WDHD1: variants seen among roughly 807,000 people sequenced by gnomAD.
WDHD1 encodes the protein WD repeat and HMG-box DNA binding protein 1.
In WDHD1, 111 loss-of-function variants were observed where a neutral mutation model predicts 135.4. That is an observed-to-expected ratio of 0.82 (90% CI 0.70 to 0.96). The LOEUF (loss-of-function observed/expected upper bound fraction) is 0.96, where lower values mean the gene tolerates loss of function less well. WDHD1 is among the 40% of genes least tolerant of loss of function. The pLI is 0.00. For missense variants in WDHD1, 1,351 were observed against 1,336.3 expected, an observed-to-expected ratio of 1.01 and a Z score of -0.17; for synonymous variants, 434 against 439.0, an observed-to-expected ratio of 0.99 and a Z score of 0.14.
chr14:54,984,226 G>C (rs2041662384), intron 15 of WDHD1, among the ~76,000 whole-genome samples: 1 of 152,234 alleles, frequency 6.6e-6, no homozygotes, highest in African/African-American at 2.4e-5. Flanking sequence ...CGGGTGCAGT[G>C]GCTCGCGCCT....
intron 7 of WDHD1, chr14:55,004,707 C>T (rs2042035002): frequency 2.8e-6 from 1 of 352,900 alleles, no homozygotes; most frequent in African/African-American, 2.1e-5. Context: ...CCTGTCTCAG[C>T]CTCCCAAAGT....
At chr14:54,989,314 T>C in intron 12 of WDHD1, 102 bp from the exon 13 acceptor site, 1 of 886,956 alleles carries the variant, frequency 1.1e-6, no homozygotes. Context: ...ATTAAATTTG[T>C]ATTAAGATTT....
intron 16 of WDHD1, among the ~76,000 whole-genome samples, chr14:54,972,406 C>T (rs1458866170): frequency 6.6e-6 from 1 of 151,176 alleles, no homozygotes. Context: ...GGTGAAAACC[C>T]ATCTCTACTA....
At chr14:54,947,172 T>C (rs1282910285) in intron 24 of WDHD1, among the ~76,000 whole-genome samples, 1 of 151,892 alleles carries the variant, frequency 6.6e-6, no homozygotes, top group Non-Finnish European at 1.5e-5. Flanking sequence ...AAACCTCATC[T>C]CTACTAAAAA....
At chr14:54,952,172 T>C (rs906319089) in intron 24 of WDHD1, among the ~76,000 whole-genome samples, 29 of 152,100 alleles carry the variant, frequency 1.9e-4, no homozygotes, top group African/African-American at 6.0e-4. Context: ...AAATAAAGGG[T>C]ATTCAATTAG....
At chr14:55,024,890 G>C (rs1422280869) in intron 2 of WDHD1, among the ~76,000 whole-genome samples, 1 of 103,748 alleles carries the variant, frequency 9.6e-6, no homozygotes, top group Non-Finnish European at 2.3e-5. Flanking sequence ...TATTGTCCAA[G>C]GTTTCTCCCC....
At chr14:55,022,343 T>C (rs1251432270) in intron 2 of WDHD1, among the ~76,000 whole-genome samples, 2 of 152,142 alleles carry the variant, frequency 1.3e-5, no homozygotes, top group African/African-American at 2.4e-5. Flanking sequence ...ACAAATCTGA[T>C]TGTATTTGCA....
At chr14:54,985,363 G>C (rs952824420) in intron 14 of WDHD1, among the ~76,000 whole-genome samples, 2 of 152,168 alleles carry the variant, frequency 1.3e-5, no homozygotes, top group African/African-American at 4.8e-5. Context: ...CAAACATTAG[G>C]GGAAGGAACA....
rs2040817594 is a variant in WDHD1, at chr14:54,940,071, T to C, written c.*1419A>G. On this transcript the variant is annotated 3_prime_UTR_variant, in exon 26 of 26. Coordinates refer to ENST00000360586, the MANE Select transcript of WDHD1 (RefSeq NM_007086.4). ...ATGAAATAACCAACAGCATCATCAT[T>C]ATCAGAATAGTAACTAACATTTATA... is the stretch of plus-strand genomic sequence containing the variant. 1 of 151,102 alleles carries C rather than the reference T, an allele frequency of 6.6e-6. No homozygotes were observed. Among genetic ancestry groups the C allele is most frequent in the Non-Finnish European group, 1.5e-5 (1 of 68,038 alleles). The allele number at this position is 151,102 out of a possible 1,614,324, so 9.4% of individuals were successfully genotyped here.
chr14:54,984,058 A>G (rs2041659738), intron 15 of WDHD1, among the ~76,000 whole-genome samples: 2 of 152,230 alleles, frequency 1.3e-5, no homozygotes, highest in Admixed American at 6.5e-5. Context: ...GTAAACAGTG[A>G]AGCTCTAGAA....
chr14:55,010,303 C>A lies in WDHD1; in HGVS notation c.341+6G>T. The A allele has an allele frequency of 6.3e-7, 1 of 1,592,116 alleles. No individual in the cohort carries two copies. The highest frequency in any genetic ancestry group is 1.2e-5 in the South Asian group (1 of 86,618). ...TATTTCCTTTTCTGATGTCAAAGAG[C>A]CTTACCTAGATCCAGCAGCAATTTT... On this transcript the variant is annotated splice_donor_region_variant and intron_variant, in intron 4 of 25. Coordinates refer to ENST00000360586, the MANE Select transcript of WDHD1 (RefSeq NM_007086.4).
chr14:55,012,064 C>T (rs1363364093), intron 3 of WDHD1, among the ~76,000 whole-genome samples: 1 of 151,978 alleles, frequency 6.6e-6, no homozygotes, highest in East Asian at 1.9e-4. Flanking sequence ...TTCTCAAAGC[C>T]CTCACTATTA....
chr14:55,003,418 G>C (rs1005014184), intron 7 of WDHD1, among the ~76,000 whole-genome samples: 2 of 151,956 alleles, frequency 1.3e-5, no homozygotes, highest in Non-Finnish European at 2.9e-5. Context: ...TGGGGGCTGA[G>C]GTGGGAGGAT....
chr14:54,957,953 C>T (rs1321816630), intron 21 of WDHD1, among the ~76,000 whole-genome samples: 2 of 152,160 alleles, frequency 1.3e-5, no homozygotes, highest in East Asian at 1.9e-4. Flanking sequence ...GCATCCCATG[C>T]CCTCCTGCTT....
chr14:55,008,283 C>CA, intron 6 of WDHD1, 33 bp downstream of exon 6: 2 of 1,601,714 alleles, frequency 1.2e-6, no homozygotes, highest in Admixed American at 1.7e-5. Context: ...CAGAAATGGG[C>CA]AAAAAACTTT....
At chr14:54,963,280 A>G (rs1395885567) in intron 18 of WDHD1, 108 bp from the exon 19 acceptor site, 1 of 820,332 alleles carries the variant, frequency 1.2e-6, no homozygotes, top group African/African-American at 1.7e-5. Context: ...TAGCTACTCT[A>G]TCTCCCTAAT....
intron 4 of WDHD1, among the ~76,000 whole-genome samples, chr14:55,009,231 C>T (rs1255745123): frequency 2.0e-5 from 3 of 152,192 alleles, no homozygotes; most frequent in Non-Finnish European, 2.9e-5. Flanking sequence ...AAAATACAAA[C>T]ACTTCCTAAA....
At chr14:55,008,143 G>A (rs1005938869) in intron 6 of WDHD1, among the ~76,000 whole-genome samples, 173 bp downstream of exon 6, 2 of 152,246 alleles carry the variant, frequency 1.3e-5, no homozygotes, top group Admixed American at 6.5e-5. Context: ...AGTCTTCAAC[G>A]TATTTATTTG....
intron 22 of WDHD1, 118 bp downstream of exon 22, chr14:54,957,474 C>A (rs2041179446): frequency 2.1e-6 from 2 of 975,494 alleles, no homozygotes; most frequent in South Asian, 3.6e-5. Context: ...TCTTCTGTTT[C>A]CACACAGATC....
Sources: allele counts gnomAD v4.1 joint callset (sites outside exome capture counted in the v4.1 genomes callset), GRCh38; gene constraint gnomAD v4.1.1; transcripts MANE v1.5; gene names NCBI Gene and HGNC (gene_info 2026-07-23, HGNC 2026-07-21).